Variants in ACTR3 observed in about 807,000 individuals in gnomAD.
ACTR3 encodes actin related protein 3, also known as actin-related protein 3.
Under a neutral mutation model 56.8 loss-of-function variants are expected in ACTR3, and 12 were observed. The ratio of observed to expected loss-of-function variants is 0.21; its 90% CI spans 0.14 to 0.34. The LOEUF is 0.34. Among genes scored for constraint, ACTR3 ranks in the 10% least tolerant of loss-of-function variants. The probability of loss-of-function intolerance (pLI) is 1.00; values close to 1 mark genes in which losing one functional copy is unlikely to be tolerated. For missense variants in ACTR3, 282 were observed against 512.5 expected (o/e 0.55, Z 4.34); for synonymous variants, 162 against 167.4 (o/e 0.97, Z 0.25).
intron 1 of ACTR3, among the ~76,000 whole-genome samples, chr2:113,895,343 G>A (rs149045056): frequency 8.0e-4 from 122 of 152,254 alleles, no homozygotes; most frequent in African/African-American, 2.7e-3. Flanking sequence ...TAGCAAGTAA[G>A]TATGGCAGAG....
chr2:113,924,939 C>T (rs1196262553), intron 3 of ACTR3, among the ~76,000 whole-genome samples: 1 of 152,060 alleles, frequency 6.6e-6, no homozygotes, highest in Non-Finnish European at 1.5e-5. Flanking sequence ...CTCTGTTGCC[C>T]AGGCTGGAGT....
chr2:113,936,698 A>G (rs951584645), intron 6 of ACTR3, among the ~76,000 whole-genome samples: 5 of 152,188 alleles, frequency 3.3e-5, no homozygotes, highest in African/African-American at 1.2e-4. Context: ...ATAAAGTACT[A>G]CAGACTGGGT....
chr2:113,934,902 T>C (rs1392751673), intron 6 of ACTR3, among the ~76,000 whole-genome samples: 1 of 152,212 alleles, frequency 6.6e-6, no homozygotes, highest in African/African-American at 2.4e-5. Context: ...AAAAAAATTA[T>C]GCCTAATGAA....
At chr2:113,920,676 C>T (rs753124878) in intron 3 of ACTR3, among the ~76,000 whole-genome samples, 7 of 152,178 alleles carry the variant, frequency 4.6e-5, no homozygotes, top group Non-Finnish European at 8.8e-5. Flanking sequence ...CTAGTAACCA[C>T]TTTTCTACTC....
At chr2:113,952,089 A>G (rs1485795428) in intron 10 of ACTR3, 1 of 421,522 alleles carries the variant, frequency 2.4e-6, no homozygotes, top group South Asian at 3.9e-5. Context: ...TTTTTTTTAA[A>G]TACCTCTCTC....
At chr2:113,936,158 G>A (rs1196508089) in intron 6 of ACTR3, among the ~76,000 whole-genome samples, 1 of 151,946 alleles carries the variant, frequency 6.6e-6, no homozygotes, top group Non-Finnish European at 1.5e-5. Context: ...TGAACGTGGT[G>A]GTTCATGACT....
chr2:113,907,563 CT>C (rs1478017925), intron 1 of ACTR3, among the ~76,000 whole-genome samples: 1 of 152,106 alleles, frequency 6.6e-6, no homozygotes, highest in Non-Finnish European at 1.5e-5. Context: ...CATGAATGAC[CT>C]TTTTGAATAT....
intron 8 of ACTR3, among the ~76,000 whole-genome samples, chr2:113,947,839 A>G (rs1262428253): frequency 1.3e-5 from 2 of 151,810 alleles, no homozygotes; most frequent in Non-Finnish European, 2.9e-5. Flanking sequence ...ACTTTAAAAC[A>G]TTTTCTGTTG....
chr2:113,917,036 C>A (rs1200623819), intron 3 of ACTR3, 28 bp downstream of exon 3: 4 of 1,565,066 alleles, frequency 2.6e-6, no homozygotes, highest in Admixed American at 3.7e-5. Flanking sequence ...GTATAAATAA[C>A]ATTTTCAAAA....
At chr2:113,918,905 C>T (rs756520978) in intron 3 of ACTR3, among the ~76,000 whole-genome samples, 1 of 152,100 alleles carries the variant, frequency 6.6e-6, no homozygotes, top group Non-Finnish European at 1.5e-5. Context: ...ATATTAGTGA[C>T]GGCAGTGGGG....
chr2:113,895,523 G>A (rs189725697), intron 1 of ACTR3, among the ~76,000 whole-genome samples: 1 of 152,266 alleles, frequency 6.6e-6, no homozygotes, highest in East Asian at 1.9e-4. Flanking sequence ...GAATCTCAAG[G>A]GTTGGACTAT....
intron 2 of ACTR3, 122 bp from the exon 3 acceptor site, chr2:113,916,762 A>G: frequency 1.3e-6 from 1 of 750,718 alleles, no homozygotes; most frequent in Non-Finnish European, 1.9e-6. Flanking sequence ...AATTAGTTTG[A>G]CAATTTAAAT....
At chr2:113,933,973 C>T (rs1296114307) in intron 5 of ACTR3, 2 of 301,708 alleles carry the variant, frequency 6.6e-6, no homozygotes, top group Non-Finnish European at 1.2e-5. Context: ...TAGTTCTGTA[C>T]TGTTTAATGC....
intron 11 of ACTR3, 48 bp from the exon 12 acceptor site, chr2:113,957,312 G>T: frequency 1.5e-6 from 2 of 1,357,496 alleles, no homozygotes; most frequent in Non-Finnish European, 2.1e-6. Flanking sequence ...ATACCTTCAA[G>T]ATGGTAGATT....
chr2:113,912,664 CAT>C (rs1190105063), intron 1 of ACTR3, among the ~76,000 whole-genome samples: 3 of 152,050 alleles, frequency 2.0e-5, no homozygotes, highest in African/African-American at 4.8e-5. Context: ...CAAAATATTT[CAT>C]ATGTTTTTAC....
chr2:113,937,257 C>T (rs923958486), intron 6 of ACTR3, among the ~76,000 whole-genome samples: 3 of 152,086 alleles, frequency 2.0e-5, no homozygotes, highest in African/African-American at 7.2e-5. Context: ...ATGTGCACCA[C>T]CACACCCAGC....
chr2:113,942,692 A>G (rs1055210108), intron 8 of ACTR3, among the ~76,000 whole-genome samples: 2 of 151,880 alleles, frequency 1.3e-5, no homozygotes, highest in Admixed American at 6.6e-5. Flanking sequence ...GAAATAAAAT[A>G]TTTTGGGAAA....
chr2:113,925,305 C>T (rs1648482382), intron 3 of ACTR3, among the ~76,000 whole-genome samples: 1 of 150,450 alleles, frequency 6.6e-6, no homozygotes, highest in South Asian at 2.1e-4. Flanking sequence ...AAGTGATTCT[C>T]TTGTCTCAGC....
intron 1 of ACTR3, among the ~76,000 whole-genome samples, chr2:113,891,125 A>G (rs1678886274): frequency 6.6e-6 from 1 of 152,196 alleles, no homozygotes; most frequent in South Asian, 2.1e-4. Flanking sequence ...AGCACATCTT[A>G]CTAGAACTTT....
Sources: allele counts gnomAD v4.1 joint callset (sites outside exome capture counted in the v4.1 genomes callset), GRCh38; gene constraint gnomAD v4.1.1; transcripts MANE v1.5; gene names NCBI Gene and HGNC (gene_info 2026-07-23, HGNC 2026-07-21).